The following LINC00632 variants were observed in gnomAD, a reference collection of about 807,000 sequenced individuals.
LINC00632 encodes the protein long independently transcribed non-coding RNA 632, also known as ALDOA related specific transcript.
chrX:140,788,227 T>C (rs1321087669), exon 5 of LINC00632, among the ~76,000 whole-genome samples: 2 of 110,538 alleles, frequency 1.8e-5, no homozygotes, highest in Non-Finnish European at 3.8e-5. Flanking sequence ...ATTCATATTA[T>C]GGTTAACATT....
chrX:140,772,710 G>A (rs902276256), exon 4 of LINC00632: 4 of 135,237 alleles, frequency 3.0e-5, no homozygotes, highest in Non-Finnish European at 5.8e-5. Context: ...GGGCACACAA[G>A]AATCACTGAG....
chrX:140,791,281 T>C (rs1305643002), exon 5 of LINC00632, among the ~76,000 whole-genome samples: 6 of 112,457 alleles, frequency 5.3e-5, no homozygotes, highest in African/African-American at 1.9e-4. Context: ...TTATTCTCTC[T>C]AATCCATTAA....
intron 3 of LINC00632, among the ~76,000 whole-genome samples, chrX:140,744,572 G>A (rs1487352703): frequency 3.9e-5 from 2 of 51,308 alleles, no homozygotes; most frequent in African/African-American, 4.9e-5. Context: ...TTTTTTGGGG[G>A]GGGGGGTGGG....
chrX:140,711,708 T>A (rs183709015), intron 2 of LINC00632: 2 of 229,130 alleles, frequency 8.7e-6, no homozygotes, highest in Middle Eastern at 5.4e-4. Context: ...CCTAATTTAT[T>A]TATTATATGT....
chrX:140,772,508 G>C (rs1165619036), exon 4 of LINC00632: 6 of 290,206 alleles, frequency 2.1e-5, no homozygotes, highest in Non-Finnish European at 3.6e-5. Context: ...AAAGAACAAG[G>C]AGAGGGATGA....
chrX:140,723,681 C>T (rs1415653724), intron 2 of LINC00632, among the ~76,000 whole-genome samples: 4 of 359 alleles, frequency 0.011, no homozygotes, highest in Non-Finnish European at 0.026. Context: ...ACATTCCATA[C>T]ACACACATAG....
At chrX:140,715,866 C>T (rs1245382804) in intron 2 of LINC00632, among the ~76,000 whole-genome samples, 1 of 111,361 alleles carries the variant, frequency 9.0e-6, no homozygotes. Context: ...CAAACACCAC[C>T]GAGCACTGAG....
At chrX:140,738,143 ACG>A (rs750878629) in intron 3 of LINC00632, among the ~76,000 whole-genome samples, 75 of 111,740 alleles carry the variant, frequency 6.7e-4, no homozygotes, top group African/African-American at 2.4e-3. Context: ...TTGATGACAC[ACG>A]TTTGTGATTA....
At chrX:140,731,936 G>A (rs749577934) in intron 2 of LINC00632, among the ~76,000 whole-genome samples, 17 of 111,790 alleles carry the variant, frequency 1.5e-4, no homozygotes, top group African/African-American at 3.9e-4. Context: ...AGGCGTGGCA[G>A]TTCGTGCCTG....
Position 140,742,344 on chromosome X carries a change from A to G in LINC00632, n.191+8380A>G, listed in dbSNP as rs752644293. ...GCTCTTAGCTTGATTAGTGTAGGGT[A>G]CACTCTTGGGATTTCTATGAGAGAG... is the stretch of plus-strand genomic sequence containing the variant. On this transcript the variant is annotated intron_variant and non_coding_transcript_variant, in intron 3 of 4. Transcript: ENST00000648200. Among the ~76,000 whole-genome samples, 166 of 111,569 alleles carry G rather than the reference A, an allele frequency of 1.5e-3. 1 individual carries two copies. Among genetic ancestry groups the G allele is most frequent in the Non-Finnish European group, 8.3e-4 (44 of 53,195 alleles).
chrX:140,759,528 AT>A (rs1157424488), intron 3 of LINC00632, among the ~76,000 whole-genome samples: 8 of 100,043 alleles, frequency 8.0e-5, no homozygotes, highest in East Asian at 3.2e-4. Flanking sequence ...AGCTAATTAA[AT>A]TTTTTTTTTT....
chrX:140,756,363 G>A (rs889157312), intron 3 of LINC00632, among the ~76,000 whole-genome samples: 1 of 112,416 alleles, frequency 8.9e-6, no homozygotes, highest in Non-Finnish European at 1.9e-5. Flanking sequence ...ATGCTTTGCA[G>A]TTATGTAAAG....
At chrX:140,719,455 C>T (rs188765773) in intron 2 of LINC00632, among the ~76,000 whole-genome samples, 9 of 110,621 alleles carry the variant, frequency 8.1e-5, no homozygotes, top group South Asian at 4.0e-4. Flanking sequence ...TGCACCACCA[C>T]GCCCAGCTAA....
At chrX:140,783,733 A>G in exon 5 of LINC00632, 1 of 1,210,722 alleles carries the variant, frequency 8.3e-7, no homozygotes. Context: ...GTCAATCCAC[A>G]TCTTCCGGAA....
At chrX:140,729,508 C>T (rs1364275209) in intron 2 of LINC00632, among the ~76,000 whole-genome samples, 1 of 111,615 alleles carries the variant, frequency 9.0e-6, no homozygotes, top group African/African-American at 3.3e-5. Context: ...TATAGTCTCA[C>T]CGCATGACTT....
Position 140,714,808 on chromosome X carries a change from G to A in LINC00632, n.104+3152G>A, listed in dbSNP as rs1237365901. The stretch of plus-strand genomic sequence containing the variant: ...CTGCACTCCAGCCTGGGCAACAAGG[G>A]CAAAACTTTGCCTCAAAAAAAATAA... On this transcript the variant is annotated intron_variant and non_coding_transcript_variant, in intron 2 of 4. Coordinates refer to ENST00000648200, the Ensembl canonical transcript of LINC00632. The A allele has an allele frequency of 3.5e-5, 3 of 85,272 alleles. No individual in the cohort carries two copies. The East Asian group carries it at 1.2e-3, about 34-fold the overall frequency. 7.0% of individuals were successfully genotyped at this position (85,272 alleles called of 1,213,427 possible).
intron 3 of LINC00632, among the ~76,000 whole-genome samples, chrX:140,762,482 T>G (rs1931617676): frequency 8.9e-6 from 1 of 112,401 alleles, no homozygotes; most frequent in Admixed American, 9.4e-5. Context: ...AAATGATAGC[T>G]AAACAAATAA....
intron 3 of LINC00632, among the ~76,000 whole-genome samples, chrX:140,771,746 C>T (rs1418761970): frequency 1.0e-5 from 1 of 96,827 alleles, no homozygotes; most frequent in Non-Finnish European, 2.1e-5. Flanking sequence ...GTGGTGTGAT[C>T]TCGGCTCACT....
At chrX:140,770,632 A>T (rs943759688) in intron 3 of LINC00632, among the ~76,000 whole-genome samples, 1 of 112,224 alleles carries the variant, frequency 8.9e-6, no homozygotes, top group African/African-American at 3.2e-5. Context: ...TCGACAAAAC[A>T]TATATTTATT....
Sources: allele counts gnomAD v4.1 joint callset (sites outside exome capture counted in the v4.1 genomes callset), GRCh38; gene constraint gnomAD v4.1.1; transcripts MANE v1.5; gene names NCBI Gene and HGNC (gene_info 2026-07-23, HGNC 2026-07-21).